CCNY: variants seen among roughly 807,000 people sequenced by gnomAD.
CCNY encodes the protein cyclin-Y.
CCNY carries 19 observed loss-of-function variants against 42.8 expected under a neutral mutation model. The ratio of observed to expected loss-of-function variants is 0.44; its 90% CI spans 0.31 to 0.65. The LOEUF (loss-of-function observed/expected upper bound fraction) is 0.65, where lower values mean the gene tolerates loss of function less well. CCNY is among the 30% of genes least tolerant of loss of function. CCNY has a pLI of 0.07. For missense variants in CCNY, 370 were observed against 437.3 expected (o/e 0.85, Z 1.37); for synonymous variants, 165 against 162.7 (o/e 1.01, Z -0.11).
intron 7 of CCNY, among the ~76,000 whole-genome samples, chr10:35,541,374 A>G (rs1243056029): frequency 6.6e-6 from 1 of 152,142 alleles, no homozygotes; most frequent in African/African-American, 2.4e-5. Context: ...TGTTTGTTAC[A>G]CTTAATGAAC....
intron 1 of CCNY, among the ~76,000 whole-genome samples, chr10:35,408,093 A>G (rs573533415): frequency 6.6e-6 from 1 of 152,280 alleles, no homozygotes; most frequent in East Asian, 1.9e-4. Flanking sequence ...TTAAAAGGAG[A>G]AAGAGGTTGA....
chr10:35,485,662 T>C (rs1839769709), intron 2 of CCNY, among the ~76,000 whole-genome samples: 1 of 149,430 alleles, frequency 6.7e-6, no homozygotes. Flanking sequence ...GAGGTGGAGC[T>C]TGCAGTGAGC....
Position 35,398,203 on chromosome 10 carries a change from C to T in CCNY, c.154+60996C>T, listed in dbSNP as rs79159167. ...AGCCACCCCCTGGAGCCTAGGGCCCCGACTGTGGGCAGAGCTGGCCCTCCA... is the reference window on the plus strand; with the variant it reads ...AGCCACCCCCTGGAGCCTAGGGCCCTGACTGTGGGCAGAGCTGGCCCTCCA... On this transcript the variant is annotated intron_variant, in intron 1 of 9. Transcript: ENST00000374704. Among the ~76,000 whole-genome samples, 63 of 152,282 alleles carry T rather than the reference C, an allele frequency of 4.1e-4. No homozygotes were observed. The East Asian group carries it at 0.012, about 28-fold the overall frequency.
intron 3 of CCNY, 55 bp from the exon 4 acceptor site, chr10:35,516,468 G>T: frequency 8.2e-7 from 1 of 1,222,806 alleles, no homozygotes; most frequent in Admixed American, 1.7e-5. Context: ...GATGTTTCTT[G>T]GAAGAATTCT....
Position 35,309,244 on chromosome 10 carries a change from G to A in CCNY, c.-9+58618G>A, listed in dbSNP as rs1028601592. ...CAGGAAAATCAGGAAAACAGAAACA[G>A]TGTCTCAAGGAAGAATGGCCCTCCA... is the stretch of plus-strand genomic sequence containing the variant. On this transcript the variant is annotated intron_variant, in intron 3 of 11. Transcript: ENST00000374706. 5.3e-5 allele frequency among the ~76,000 whole-genome samples: 8 copies of A among 152,260 alleles called. No homozygotes were observed. In the East Asian group the frequency reaches 5.8e-4, roughly 11 times the overall value.
chr10:35,459,304 CCAGCCTG>C (rs1300850624), intron 1 of CCNY, among the ~76,000 whole-genome samples: 3 of 151,946 alleles, frequency 2.0e-5, no homozygotes, highest in African/African-American at 4.8e-5. Flanking sequence ...CCAAGCTTGT[CCAGCCTG>C]CAGCCTGCAG....
At chr10:35,280,124 G>T (rs1215619504) in intron 3 of CCNY, among the ~76,000 whole-genome samples, 2 of 152,062 alleles carry the variant, frequency 1.3e-5, no homozygotes, top group Admixed American at 1.3e-4. Context: ...GGTAAAGAAA[G>T]AATACCAGCT....
chr10:35,539,224 C>T (rs1840946957), intron 7 of CCNY, among the ~76,000 whole-genome samples: 1 of 152,128 alleles, frequency 6.6e-6, no homozygotes, highest in South Asian at 2.1e-4. Context: ...GTTGTTTTGG[C>T]CATGCCATCC....
At chr10:35,483,936 C>CT (rs201512607) in intron 2 of CCNY, among the ~76,000 whole-genome samples, 54 of 151,596 alleles carry the variant, frequency 3.6e-4, no homozygotes, top group African/African-American at 8.9e-4. Context: ...TTTTCTTTCT[C>CT]TTTTTTTTTC....
intron 5 of CCNY, 49 bp downstream of exon 5, chr10:35,526,048 T>C (rs371860971): frequency 2.7e-5 from 41 of 1,514,806 alleles, no homozygotes; most frequent in Middle Eastern, 3.5e-4. Flanking sequence ...TCTTCTGTTA[T>C]GTTGTTCCTA....
intron 1 of CCNY, among the ~76,000 whole-genome samples, chr10:35,419,996 T>A (rs1197730259): frequency 1.3e-5 from 2 of 151,904 alleles, no homozygotes; most frequent in Non-Finnish European, 2.9e-5. Flanking sequence ...GTTTCTTTCT[T>A]ATCTAGTTTT....
chr10:35,494,382 A>G (rs1351246944), intron 2 of CCNY, among the ~76,000 whole-genome samples: 2 of 152,166 alleles, frequency 1.3e-5, no homozygotes, highest in Non-Finnish European at 2.9e-5. Flanking sequence ...ATTAGAATAC[A>G]CAGCACTTTA....
At chr10:35,567,732 G>A (rs1841600868) in intron 9 of CCNY, among the ~76,000 whole-genome samples, 1 of 152,210 alleles carries the variant, frequency 6.6e-6, no homozygotes, top group South Asian at 2.1e-4. Context: ...AAAGTAATAT[G>A]TTAATTCCAA....
chr10:35,483,470 A>G lies in CCNY; in HGVS notation c.221A>G (p.Gln74Arg). 1 of 1,585,960 alleles carries G rather than the reference A, an allele frequency of 6.3e-7. No homozygotes were observed. Among genetic ancestry groups the G allele is most frequent in the Non-Finnish European group, 8.7e-7 (1 of 1,155,226 alleles). Residue 74 changes from glutamine to arginine, a missense_variant, in exon 2 of 10, where the codon CAG becomes CGG. This residue lies in a region of CCNY where 136 missense variants were observed against 124.2 expected (regional missense o/e 1.09). Coordinates refer to ENST00000374704, the MANE Select transcript of CCNY (RefSeq NM_145012.6). Reference protein sequence around the residue: ...RASTIFLSKSQTDVREKRKSL... With the variant: ...RASTIFLSKSRTDVREKRKSL... ...AGCACAATATTCCTCAGTAAATCTC[A>G]GACGGACGGTAGGTCCTTAATTTAT...
At chr10:35,408,540 G>C (rs545289938) in intron 1 of CCNY, among the ~76,000 whole-genome samples, 1 of 151,862 alleles carries the variant, frequency 6.6e-6, no homozygotes, top group African/African-American at 2.4e-5. Context: ...TTAAGGGTGG[G>C]GGAGATTATG....
intron 1 of CCNY, among the ~76,000 whole-genome samples, chr10:35,481,378 C>T (rs1299568287): frequency 1.3e-5 from 2 of 152,162 alleles, no homozygotes; most frequent in Non-Finnish European, 2.9e-5. Context: ...CATTCTTGGA[C>T]TTAGGAGCAG....
At chr10:35,568,733 G>A (rs780106832) in intron 9 of CCNY, among the ~76,000 whole-genome samples, 16 of 152,346 alleles carry the variant, frequency 1.1e-4, no homozygotes, top group Non-Finnish European at 1.5e-4. Flanking sequence ...AAAACAGCAC[G>A]CGTGTGGGTG....
chr10:35,334,786 TA>T (rs928172247), upstream of CCNY, among the ~76,000 whole-genome samples: 24 of 152,262 alleles, frequency 1.6e-4, no homozygotes, highest in African/African-American at 5.5e-4. Flanking sequence ...AAGCACAGGT[TA>T]AAAAATGGCT....
At chr10:35,401,074 G>A (rs1837633395) in intron 1 of CCNY, among the ~76,000 whole-genome samples, 1 of 152,362 alleles carries the variant, frequency 6.6e-6, no homozygotes, top group South Asian at 2.1e-4. Flanking sequence ...CAACTGGCCG[G>A]CCCCGGCCCA....
Sources: gnomAD v4.1 joint callset for allele counts (sites outside exome capture counted in the v4.1 genomes callset) on GRCh38, gnomAD v4.1.1 for gene constraint, gnomAD v4.1.1 regional missense constraint, MANE v1.5 for transcripts, NCBI Gene and HGNC (gene_info 2026-07-23, HGNC 2026-07-21) for gene names.